Variants in FBXL17 observed in about 807,000 individuals in gnomAD.
FBXL17 encodes the protein F-box and leucine rich repeat protein 17, also known as F-box/LRR-repeat protein 17.
In FBXL17, 22 loss-of-function variants were observed where a neutral mutation model predicts 66.2. The observed-to-expected ratio is 0.33, with a 90% confidence interval of 0.24 to 0.47. The LOEUF is 0.47. Ranked by LOEUF, FBXL17 falls within the 20% of genes least tolerant of loss-of-function variation. The probability of loss-of-function intolerance (pLI) is 1.00; values close to 1 mark genes in which losing one functional copy is unlikely to be tolerated. For synonymous variants in FBXL17, 474 were observed against 400.5 expected (o/e 1.18, Z -2.19); for missense variants, 878 against 948.2 (o/e 0.93, Z 0.97).
At chr5:108,135,759 A>C (rs1751108884) in intron 6 of FBXL17, among the ~76,000 whole-genome samples, 1 of 152,164 alleles carries the variant, frequency 6.6e-6, no homozygotes. Context: ...AAGCAGAAGG[A>C]TAAGATGGTT....
At chr5:108,245,614 A>G (rs941537005) in intron 4 of FBXL17, among the ~76,000 whole-genome samples, 47 of 152,198 alleles carry the variant, frequency 3.1e-4, no homozygotes, top group African/African-American at 8.0e-4. Context: ...GGGAAGTAAG[A>G]TGGAGAATCC....
chr5:108,328,314 G>C (rs1759955388), intron 4 of FBXL17, among the ~76,000 whole-genome samples: 1 of 152,074 alleles, frequency 6.6e-6, no homozygotes, highest in South Asian at 2.1e-4. Context: ...CAGGAGACAT[G>C]GGCATTATTT....
At chr5:108,099,554 G>C (rs947293485) in intron 6 of FBXL17, among the ~76,000 whole-genome samples, 1 of 152,150 alleles carries the variant, frequency 6.6e-6, no homozygotes. Context: ...TTGGGCTAGA[G>C]TGTTTTGGGT....
At chr5:108,226,788 T>C (rs1016270154) in intron 4 of FBXL17, among the ~76,000 whole-genome samples, 7 of 152,196 alleles carry the variant, frequency 4.6e-5, no homozygotes, top group African/African-American at 7.2e-5. Context: ...TCTCTCTGCC[T>C]GACTATCTTC....
chr5:107,923,383 A>G (rs1461604425), intron 7 of FBXL17, among the ~76,000 whole-genome samples: 1 of 152,102 alleles, frequency 6.6e-6, no homozygotes, highest in Non-Finnish European at 1.5e-5. Context: ...CCTGGTAACT[A>G]GGGAATGGCT....
In FBXL17 at chr5:108,278,431, A is replaced by C. The variant is rs142905266; in HGVS notation, c.1507-54203T>G. ...TGCATGCAGAACAGAGGCACAAGTCAGGGGTGGACTCCTGCAAACAGGACT... is the reference window on the plus strand; with the variant it reads ...TGCATGCAGAACAGAGGCACAAGTCCGGGGTGGACTCCTGCAAACAGGACT... On this transcript the variant is annotated intron_variant, in intron 4 of 8. Transcript: ENST00000542267. Among the ~76,000 whole-genome samples, 12 of 152,366 alleles carry C rather than the reference A, an allele frequency of 7.9e-5. No homozygotes were observed. The East Asian group carries it at 2.1e-3, about 27-fold the overall frequency.
At chr5:108,129,097 T>C (rs773346835) in intron 6 of FBXL17, among the ~76,000 whole-genome samples, 5 of 152,176 alleles carry the variant, frequency 3.3e-5, no homozygotes, top group Non-Finnish European at 5.9e-5. Flanking sequence ...GTCTTGACTA[T>C]CATTAGTGGA....
intron 4 of FBXL17, among the ~76,000 whole-genome samples, chr5:108,279,185 T>A (rs538938232): frequency 6.6e-6 from 1 of 152,270 alleles, no homozygotes; most frequent in East Asian, 1.9e-4. Flanking sequence ...CTGCTTCACC[T>A]GGCCAGTAAA....
intron 7 of FBXL17, among the ~76,000 whole-genome samples, chr5:108,002,652 A>AT (rs751704619): frequency 1.3e-5 from 2 of 152,188 alleles, no homozygotes; most frequent in African/African-American, 2.4e-5. Context: ...TGGTGAAAGG[A>AT]TAAAAAAAAG....
intron 6 of FBXL17, among the ~76,000 whole-genome samples, chr5:108,083,847 C>T (rs288232): frequency 0.16 from 24,067 of 152,072 alleles, 2,309 homozygotes; most frequent in South Asian, 0.42. Context: ...CAGCTGTATA[C>T]AGGGACCTGG....
In FBXL17 at chr5:108,305,293, G is replaced by T. The variant is rs147067308; in HGVS notation, c.1506+43106C>A. The stretch of plus-strand genomic sequence containing the variant: ...ACACATGGTTCTCACAGACACATTG[G>T]GGGGATCAACACACACTGGGGCCCA... On this transcript the variant is annotated intron_variant, in intron 4 of 8. Transcript: ENST00000542267. 6.8e-4 allele frequency among the ~76,000 whole-genome samples: 104 copies of T among 151,978 alleles called. 1 individual carries two copies. Among genetic ancestry groups the T allele is most frequent in the South Asian group, 1.9e-3 (9 of 4,824 alleles).
intron 4 of FBXL17, among the ~76,000 whole-genome samples, chr5:108,232,170 A>G (rs145283795): frequency 1.5e-4 from 23 of 152,220 alleles, no homozygotes; most frequent in African/African-American, 5.5e-4. Context: ...AAAATAGCTT[A>G]ATTTTATTTC....
At chr5:107,957,953 T>C (rs1258399440) in intron 7 of FBXL17, among the ~76,000 whole-genome samples, 1 of 152,056 alleles carries the variant, frequency 6.6e-6, no homozygotes, top group Admixed American at 6.6e-5. Flanking sequence ...TAAACAGCAG[T>C]CTCTGGCCGA....
chr5:108,285,568 T>C (rs1201987803), intron 4 of FBXL17, among the ~76,000 whole-genome samples: 2 of 151,838 alleles, frequency 1.3e-5, no homozygotes, highest in Non-Finnish European at 1.5e-5. Context: ...GGTAACCACA[T>C]ACATTGTCAA....
chr5:108,263,970 C>A (rs1409754005), intron 4 of FBXL17, among the ~76,000 whole-genome samples: 1 of 152,108 alleles, frequency 6.6e-6, no homozygotes, highest in East Asian at 1.9e-4. Flanking sequence ...AATCCCAGCA[C>A]TTTGGGAGGC....
chr5:108,154,700 T>C (rs547955451), intron 6 of FBXL17, among the ~76,000 whole-genome samples: 5 of 143,466 alleles, frequency 3.5e-5, no homozygotes, highest in East Asian at 2.0e-4. Flanking sequence ...TATATGTATA[T>C]ACATATATAT....
At chr5:108,270,959 T>TC (rs1261164325) in intron 4 of FBXL17, among the ~76,000 whole-genome samples, 3 of 151,748 alleles carry the variant, frequency 2.0e-5, no homozygotes, top group Non-Finnish European at 4.4e-5. Flanking sequence ...TCTCCCCCTT[T>TC]CCCCCTCTCC....
At chr5:108,319,060 C>T (rs1318812912) in intron 4 of FBXL17, among the ~76,000 whole-genome samples, 1 of 151,840 alleles carries the variant, frequency 6.6e-6, no homozygotes, top group African/African-American at 2.4e-5. Flanking sequence ...TGAGGACACA[C>T]GGCACTGCCT....
At chr5:108,119,405 G>T (rs1750387865) in intron 6 of FBXL17, among the ~76,000 whole-genome samples, 1 of 152,206 alleles carries the variant, frequency 6.6e-6, no homozygotes, top group Non-Finnish European at 1.5e-5. Flanking sequence ...GCAGGTCAGA[G>T]TACCTGCCTT....
Sources: gnomAD v4.1 joint callset for allele counts (sites outside exome capture counted in the v4.1 genomes callset) on GRCh38, gnomAD v4.1.1 for gene constraint, MANE v1.5 for transcripts, NCBI Gene and HGNC (gene_info 2026-07-23, HGNC 2026-07-21) for gene names.